Variants in RAB30 observed in about 807,000 individuals in gnomAD.
The protein encoded by RAB30 is RAB30, member RAS oncogene family, also known as ras-related protein Rab-30.
A neutral mutation model predicts 25.1 loss-of-function variants in RAB30; 9 were observed. The ratio of observed to expected loss-of-function variants is 0.36; its 90% CI spans 0.22 to 0.63. The LOEUF is 0.63. Ranked by LOEUF, RAB30 falls within the 20% of genes least tolerant of loss-of-function variation. The probability of loss-of-function intolerance (pLI) is 0.69; values close to 1 mark genes in which losing one functional copy is unlikely to be tolerated. For missense variants in RAB30, 140 were observed against 243.5 expected, an observed-to-expected ratio of 0.58 and a Z score of 2.83; for synonymous variants, 77 against 86.4, an observed-to-expected ratio of 0.89 and a Z score of 0.60.
intron 3 of RAB30, chr11:82,992,494 C>T (rs1176107917): frequency 2.3e-6 from 1 of 426,250 alleles, no homozygotes; most frequent in Non-Finnish European, 4.7e-6. Context: ...CTAGAAAATG[C>T]TGAAGAGCAT....
rs765002628 is a variant in RAB30, at chr11:82,987,744, T to C, written c.204A>G (p.Gln68=). 9 of 1,611,988 alleles carry C rather than the reference T, an allele frequency of 5.6e-6. No homozygotes were observed. The highest frequency in any genetic ancestry group is 1.7e-5 in the Admixed American group (1 of 59,946). The change falls in exon 4 of 5, where the codon CAA becomes CAG. Residue 68 remains glutamine (Q), a synonymous_variant. Coordinates refer to ENST00000527633, the MANE Select transcript of RAB30 (RefSeq NM_001286060.2). ...VKLQIWDTAG[Q]ERFRSITQSY... ...TCTGGGTAATGGACCGAAATCTCTC[T>C]TGACCTGCTGTGTCCCAGATCTGTA...
chr11:82,987,904 CTAAAAAAAAA>C, intron 3 of RAB30, 134 bp from the exon 4 acceptor site: 1 of 81,854 alleles, frequency 1.2e-5, no homozygotes, highest in Non-Finnish European at 2.1e-5. Flanking sequence ...ATTTTCTGCC[CTAAAAAAAAA>C]AAAAAAAAAA....
intron 1 of RAB30, among the ~76,000 whole-genome samples, chr11:83,000,765 C>G (rs764584840): frequency 1.3e-5 from 2 of 152,280 alleles, no homozygotes; most frequent in Non-Finnish European, 2.9e-5. Context: ...GAAAAAAAGG[C>G]TTTGTCGGCC....
intron 1 of RAB30, among the ~76,000 whole-genome samples, chr11:83,059,132 G>A (rs1349607861): frequency 6.6e-6 from 1 of 152,022 alleles, no homozygotes; most frequent in East Asian, 1.9e-4. Flanking sequence ...TGTAGATCTG[G>A]GATTTTGCCA....
intron 2 of RAB30, 130 bp from the exon 3 acceptor site, chr11:82,994,252 T>A: frequency 1.4e-6 from 1 of 708,774 alleles, no homozygotes; most frequent in Non-Finnish European, 2.4e-6. Flanking sequence ...AAAAGAGAAC[T>A]CTGGTTACTC....
chr11:82,997,517 A>AT, intron 1 of RAB30, 193 bp from the exon 2 acceptor site: 1 of 550,276 alleles, frequency 1.8e-6, no homozygotes, highest in Non-Finnish European at 3.3e-6. Context: ...ATTCCTTCTC[A>AT]GCTACCTCAT....
intron 1 of RAB30, among the ~76,000 whole-genome samples, chr11:83,020,165 C>G (rs932291727): frequency 6.6e-6 from 1 of 152,256 alleles, no homozygotes; most frequent in African/African-American, 2.4e-5. Flanking sequence ...CCCACCCTCT[C>G]GGGCACAGCT....
chr11:83,012,678 AAAG>A (rs1340410057), intron 1 of RAB30, among the ~76,000 whole-genome samples: 1 of 152,236 alleles, frequency 6.6e-6, no homozygotes, highest in Non-Finnish European at 1.5e-5. Flanking sequence ...AATAAAGTAC[AAAG>A]AAGAGGGCCT....
intron 1 of RAB30, among the ~76,000 whole-genome samples, chr11:83,007,104 G>A (rs922061751): frequency 1.3e-5 from 2 of 152,232 alleles, no homozygotes; most frequent in Non-Finnish European, 2.9e-5. Context: ...AACCAAGATA[G>A]TGACTTGCCT....
At chr11:83,064,452 T>C (rs566408073) in intron 1 of RAB30, among the ~76,000 whole-genome samples, 39 of 152,312 alleles carry the variant, frequency 2.6e-4, no homozygotes, top group Admixed American at 2.4e-3. Context: ...TTGAGATATA[T>C]ATTTAGGTAC....
At chr11:83,059,641 A>T (rs1407435223) in intron 1 of RAB30, among the ~76,000 whole-genome samples, 2 of 152,264 alleles carry the variant, frequency 1.3e-5, no homozygotes, top group East Asian at 1.9e-4. Context: ...TCATCTGGCC[A>T]CCTCTGCTAA....
intron 1 of RAB30, among the ~76,000 whole-genome samples, chr11:83,013,509 A>T (rs550860069): frequency 1.3e-5 from 2 of 152,350 alleles, no homozygotes; most frequent in South Asian, 4.1e-4. Flanking sequence ...TAAATATTAA[A>T]TAAATGCAAA....
At chr11:83,044,033 T>C (rs959855357) in intron 1 of RAB30, among the ~76,000 whole-genome samples, 1 of 152,232 alleles carries the variant, frequency 6.6e-6, no homozygotes, top group Non-Finnish European at 1.5e-5. Context: ...TAAGGTTTTC[T>C]TCCTAATATA....
chr11:83,016,764 C>T (rs562948693), intron 1 of RAB30, among the ~76,000 whole-genome samples: 6 of 152,276 alleles, frequency 3.9e-5, no homozygotes, highest in South Asian at 4.2e-4. Context: ...AGAACAGAGT[C>T]GGAAGGAAGC....
In RAB30 at chr11:83,070,236, G is replaced by T. The variant is rs112049094; in HGVS notation, c.-9+1455C>A. ...GACGCAGAGGCAAAGGCTAACTGTTGATCTTTTCCCAAATCCAAAAGCTGC... is the reference window on the plus strand; with the variant it reads ...GACGCAGAGGCAAAGGCTAACTGTTTATCTTTTCCCAAATCCAAAAGCTGC... On this transcript the variant is annotated intron_variant, in intron 1 of 4. Transcript: ENST00000527633. Among the ~76,000 whole-genome samples the T allele has an allele frequency of 4.2e-3, 640 of 152,256 alleles. 4 individuals are homozygous for T. The highest frequency in any genetic ancestry group is 6.5e-3 in the Non-Finnish European group (444 of 68,014).
rs545544456 is a variant in RAB30 at position 82,977,174 on chromosome 11, A to G, written c.*4991T>C. 3.3e-5 allele frequency: 5 copies of G among 152,354 alleles called. No individual in the cohort carries two copies. In the East Asian group the frequency reaches 7.7e-4, roughly 23 times the overall value. The allele number at this position is 152,354 out of a possible 1,614,324, so 9.4% of individuals were successfully genotyped here. A position where few individuals can be genotyped will look rare whatever the true frequency, so the allele number is the denominator to read the frequency against. On this transcript the variant is annotated 3_prime_UTR_variant, in exon 5 of 5. Transcript: ENST00000527633. ...AGCAAGTGATAAATGAATATACTTC[A>G]TGTAACTTCTACTAAAACAATACCT...
At position 82,994,647 on chromosome 11, in the gene RAB30, G is replaced by A. The variant is rs1280922940; in HGVS notation, c.94-525C>T. Among the ~76,000 whole-genome samples the A allele has an allele frequency of 2.6e-5, 4 of 152,170 alleles. No individual in the cohort carries two copies. In the East Asian group the frequency reaches 5.8e-4, roughly 22 times the overall value. On this transcript the variant is annotated intron_variant, in intron 2 of 4. Coordinates refer to ENST00000527633, the MANE Select transcript of RAB30 (RefSeq NM_001286060.2). ...CAAATAAGAACTCAGCATGAGAAGC[G>A]GGAATAAGACAGTTTTGGGATCTGT...
chr11:83,012,746 T>A (rs973950765), intron 1 of RAB30, among the ~76,000 whole-genome samples: 1 of 152,166 alleles, frequency 6.6e-6, no homozygotes, highest in Non-Finnish European at 1.5e-5. Context: ...ATTGTTATTG[T>A]TGGGCGAAAG....
chr11:82,999,656 T>C (rs1429973547), intron 1 of RAB30, among the ~76,000 whole-genome samples: 2 of 152,170 alleles, frequency 1.3e-5, no homozygotes, highest in African/African-American at 2.4e-5. Flanking sequence ...TTAAATACCA[T>C]GGGATTGCTT....
Sources: allele counts gnomAD v4.1 joint callset (sites outside exome capture counted in the v4.1 genomes callset), GRCh38; gene constraint gnomAD v4.1.1; transcripts MANE v1.5; gene names NCBI Gene and HGNC (gene_info 2026-07-23, HGNC 2026-07-21).